Variants in ANKRD62 observed in about 807,000 individuals in gnomAD.
ANKRD62 encodes the protein ankyrin repeat domain-containing protein 62.
In ANKRD62, 61 loss-of-function variants were observed where a neutral mutation model predicts 98.8. The ratio of observed to expected loss-of-function variants is 0.62; its 90% CI spans 0.50 to 0.76. ANKRD62 has a LOEUF of 0.76. ANKRD62 is among the 30% of genes least tolerant of loss of function. ANKRD62 has a pLI of 0.00. For missense variants in ANKRD62, 933 were observed against 1,082.9 expected, an observed-to-expected ratio of 0.86 and a Z score of 1.94; for synonymous variants, 341 against 367.9, an observed-to-expected ratio of 0.93 and a Z score of 0.84.
the ANKRD62 span, among the ~76,000 whole-genome samples, chr18:12,170,883 A>C: frequency 6.6e-6 from 1 of 151,490 alleles, no homozygotes; most frequent in Non-Finnish European, 1.5e-5. Flanking sequence ...ACCATTATGT[A>C]ATGGCCTTCT....
chr18:12,127,838 C>T lies in ANKRD62; in HGVS notation c.2653C>T (p.Arg885Cys). Residue 885 changes from arginine to cysteine, a missense_variant, in exon 14 of 14, where the codon CGT (arginine) becomes TGT (cysteine). Around this residue, in one of 3 missense-constraint regions of ANKRD62, gnomAD observed 362 missense variants for 434.5 expected, o/e 0.83. Coordinates refer to ENST00000587848, the MANE Select transcript of ANKRD62 (RefSeq NM_001277333.2). The part of the protein sequence containing the change: ...EAMLEISSER[R>C]INLEDEAQSL... The stretch of plus-strand genomic sequence containing the variant: ...TATGCTAGAGATTTCATCAGAACGT[C>T]GTATTAATTTAGAAGATGAGGCACA... 2 of 1,522,052 alleles carry T rather than the reference C, an allele frequency of 1.3e-6. No homozygotes were observed. The highest frequency in any genetic ancestry group is 1.8e-6 in the Non-Finnish European group (2 of 1,140,998). 94.3% of individuals were successfully genotyped at this position (1,522,052 alleles called of 1,614,324 possible).
chr18:12,156,362 T>A, the ANKRD62 span, among the ~76,000 whole-genome samples: 1 of 152,076 alleles, frequency 6.6e-6, no homozygotes, highest in Non-Finnish European at 1.5e-5. Flanking sequence ...CCATTAGACC[T>A]CTCCCTGTCA....
the ANKRD62 span, among the ~76,000 whole-genome samples, chr18:12,136,932 C>G: frequency 3.3e-5 from 5 of 152,180 alleles, no homozygotes; most frequent in African/African-American, 1.2e-4. Flanking sequence ...TGCTTATCAG[C>G]TTAAGGAGAT....
the ANKRD62 span, among the ~76,000 whole-genome samples, chr18:12,141,518 T>C: frequency 1.3e-5 from 2 of 151,674 alleles, no homozygotes; most frequent in South Asian, 2.1e-4. Context: ...TGTTTTTTTT[T>C]CCTATGGTGG....
At chr18:12,100,810 A>G (rs1039353871) in intron 6 of ANKRD62, among the ~76,000 whole-genome samples, 1 of 152,194 alleles carries the variant, frequency 6.6e-6, no homozygotes, top group African/African-American at 2.4e-5. Context: ...CTGCTAGTTA[A>G]TTGTCATGAT....
chr18:12,115,691 G>T (rs1909649420), intron 10 of ANKRD62, among the ~76,000 whole-genome samples, 157 bp downstream of exon 10: 2 of 152,070 alleles, frequency 1.3e-5, no homozygotes, highest in African/African-American at 4.8e-5. Context: ...ACTCTATCTT[G>T]TATACTCTTA....
Position 12,097,943 on chromosome 18 carries a change from T to C in ANKRD62, c.752+166T>C, listed in dbSNP as rs77255165. On this transcript the variant is annotated intron_variant, in intron 5 of 13. Transcript: ENST00000587848. ...GAAATCAAGCATAAGACTAGACAAG[T>C]TAGAAGTAGCAATGAGTGTAGGATT... Among the ~76,000 whole-genome samples, 1,139 of 152,292 alleles carry C rather than the reference T, an allele frequency of 7.5e-3. 11 individuals carry two copies. The highest frequency in any genetic ancestry group is 0.026 in the African/African-American group (1,093 of 41,552).
the ANKRD62 span, among the ~76,000 whole-genome samples, chr18:12,174,382 G>T: frequency 6.6e-6 from 1 of 152,068 alleles, no homozygotes; most frequent in African/African-American, 2.4e-5. Context: ...TGACTATTTT[G>T]TCTGTCAGCT....
At chr18:12,131,715 G>A (rs1910007631), downstream of ANKRD62, among the ~76,000 whole-genome samples, 1 of 146,552 alleles carries the variant, frequency 6.8e-6, no homozygotes, top group African/African-American at 2.6e-5. Flanking sequence ...TTAAGAGAGA[G>A]AGAGAGTGTG....
chr18:12,127,217 G>A (rs4797621), intron 13 of ANKRD62, among the ~76,000 whole-genome samples: 36,642 of 152,042 alleles, frequency 0.24, 4,658 homozygotes, highest in Middle Eastern at 0.34. Flanking sequence ...ATGAGGGGTG[G>A]TAGGAACGGT....
chr18:12,102,567 C>A, intron 6 of ANKRD62: 1 of 350,870 alleles, frequency 2.9e-6, no homozygotes, highest in Non-Finnish European at 4.9e-6. Context: ...ACCTTAACTG[C>A]ATGTTTTATG....
chr18:12,122,005 A>G (rs779112368), intron 10 of ANKRD62, among the ~76,000 whole-genome samples: 6 of 152,098 alleles, frequency 3.9e-5, no homozygotes, highest in Non-Finnish European at 8.8e-5. Flanking sequence ...TCCCTGAGCC[A>G]AGTATAGGTC....
the ANKRD62 span, among the ~76,000 whole-genome samples, chr18:12,137,806 C>A: frequency 6.6e-6 from 1 of 152,136 alleles, no homozygotes; most frequent in African/African-American, 2.4e-5. Flanking sequence ...TTATCTATTT[C>A]TTCTTGATTT....
At chr18:12,169,460 C>T in the ANKRD62 span, among the ~76,000 whole-genome samples, 2 of 152,018 alleles carry the variant, frequency 1.3e-5, no homozygotes, top group East Asian at 3.9e-4. Flanking sequence ...GTTGAACCAG[C>T]CTTGCATCCC....
At chr18:12,101,546 A>G in intron 6 of ANKRD62, among the ~76,000 whole-genome samples, 1 of 152,188 alleles carries the variant, frequency 6.6e-6, no homozygotes, top group Middle Eastern at 3.2e-3. Context: ...TAGAGAGGGA[A>G]GTTTTCAAAA....
chr18:12,176,197 C>T, the ANKRD62 span, among the ~76,000 whole-genome samples: 82 of 151,180 alleles, frequency 5.4e-4, 2 homozygotes, highest in African/African-American at 1.5e-3. Flanking sequence ...TTCTCAAAAA[C>T]GAAAAAAAAT....
rs1287927889 is a variant in ANKRD62 at position 12,126,079 on chromosome 18, A to G, written c.2258A>G (p.His753Arg). The G allele has an allele frequency of 2.6e-6, 4 of 1,536,078 alleles. No individual in the cohort carries two copies. The highest frequency in any genetic ancestry group is 1.2e-5 in the South Asian group (1 of 84,066). ...CAGCGTCGATTGGAGGACATTGAACACATGTACCAAAATGACCAACCTATT... is the reference window on the plus strand; with the variant it reads ...CAGCGTCGATTGGAGGACATTGAACGCATGTACCAAAATGACCAACCTATT... ...RTQRRLEDIE[H>R]MYQNDQPILE... Residue 753 changes from histidine (H) to arginine (R), a missense_variant, in exon 13 of 14, where the codon CAC (histidine) becomes CGC (arginine). This residue lies in a region of ANKRD62 where 362 missense variants were observed against 434.5 expected (regional missense o/e 0.83). Transcript: ENST00000587848.
the ANKRD62 span, among the ~76,000 whole-genome samples, chr18:12,156,460 T>C: frequency 6.6e-6 from 1 of 152,136 alleles, no homozygotes; most frequent in Non-Finnish European, 1.5e-5. Flanking sequence ...GAAATCTGTT[T>C]TTTAATCTAT....
the ANKRD62 span, among the ~76,000 whole-genome samples, chr18:12,153,245 T>C: frequency 6.6e-6 from 1 of 152,096 alleles, no homozygotes; most frequent in Admixed American, 6.6e-5. Flanking sequence ...CCAAAGCAAT[T>C]TGTACACTCA....
Sources: gnomAD v4.1 joint callset for allele counts (sites outside exome capture counted in the v4.1 genomes callset) on GRCh38, gnomAD v4.1.1 for gene constraint, gnomAD v4.1.1 regional missense constraint, MANE v1.5 for transcripts, NCBI Gene and HGNC (gene_info 2026-07-23, HGNC 2026-07-21) for gene names.